The following EXTL3 variants were observed in gnomAD, a reference collection of about 807,000 sequenced individuals.
EXTL3 encodes the protein exostosin like glycosyltransferase 3, also known as exostosin-like 3.
In EXTL3, 27 loss-of-function variants were observed where a neutral mutation model predicts 69.3. The ratio of observed to expected loss-of-function variants is 0.39; its 90% CI spans 0.29 to 0.54. The LOEUF is 0.54. EXTL3 is among the 20% of genes least tolerant of loss of function. The pLI is 0.69. For synonymous variants in EXTL3, 511 were observed against 499.4 expected, an observed-to-expected ratio of 1.02 and a Z score of -0.31; for missense variants, 1,003 against 1,231.8, an observed-to-expected ratio of 0.81 and a Z score of 2.78.
chr8:28,622,357 A>T (rs1350453512), upstream of EXTL3, among the ~76,000 whole-genome samples: 1 of 152,228 alleles, frequency 6.6e-6, no homozygotes, highest in Non-Finnish European at 1.5e-5. Flanking sequence ...CGCCGTGTGC[A>T]GCCGGGTGCT....
At position 28,743,229 on chromosome 8, in the gene EXTL3, C is replaced by G. The variant is rs376962323; in HGVS notation, c.2550+15C>G. 8.2e-5 allele frequency: 133 copies of G among 1,613,784 alleles called. No homozygotes were observed. The highest frequency in any genetic ancestry group is 1.1e-4 in the Non-Finnish European group (132 of 1,179,650). On this transcript the variant is annotated intron_variant, in intron 6 of 6. Coordinates refer to ENST00000220562, the MANE Select transcript of EXTL3 (RefSeq NM_001440.4). ...CCCCCATCAAGGTGAGGTCCCACCA[C>G]TGGTGGGGCTGTGGATGCGTGCATG...
chr8:28,714,863 G>T (rs1431439194), intron 2 of EXTL3, among the ~76,000 whole-genome samples: 1 of 152,216 alleles, frequency 6.6e-6, no homozygotes, highest in Admixed American at 6.5e-5. Context: ...CATTTTAGAA[G>T]ATTAGGAAAC....
chr8:28,688,452 C>G (rs1800560998), intron 1 of EXTL3, among the ~76,000 whole-genome samples: 1 of 152,158 alleles, frequency 6.6e-6, no homozygotes, highest in Non-Finnish European at 1.5e-5. Context: ...CCTGGACTAA[C>G]AATTTACATG....
chr8:28,660,703 C>T (rs1807094626), intron 1 of EXTL3, among the ~76,000 whole-genome samples: 1 of 152,104 alleles, frequency 6.6e-6, no homozygotes, highest in Admixed American at 6.6e-5. Flanking sequence ...ACTAACTCTC[C>T]ATTCCCCATC....
chr8:28,713,374 T>A, intron 1 of EXTL3, 83 bp from the exon 2 acceptor site: 1 of 623,874 alleles, frequency 1.6e-6, no homozygotes, highest in Admixed American at 2.9e-5. Context: ...AATAGGTTCT[T>A]TAATAGCACT....
chr8:28,727,733 T>A (rs1170867538), intron 3 of EXTL3, among the ~76,000 whole-genome samples: 1 of 152,180 alleles, frequency 6.6e-6, no homozygotes, highest in Non-Finnish European at 1.5e-5. Context: ...CCCAAAGCCA[T>A]GCTTTCTCCC....
intron 1 of EXTL3, among the ~76,000 whole-genome samples, chr8:28,682,177 C>T (rs1036132574): frequency 6.6e-6 from 1 of 152,194 alleles, no homozygotes; most frequent in Non-Finnish European, 1.5e-5. Context: ...TTTTAATTTG[C>T]ATTTTCCTAA....
chr8:28,652,593 G>A (rs1228490566), intron 1 of EXTL3, among the ~76,000 whole-genome samples: 1 of 152,054 alleles, frequency 6.6e-6, no homozygotes, highest in Non-Finnish European at 1.5e-5. Flanking sequence ...GGTGGAGGCT[G>A]CAGTAAGCCA....
chr8:28,698,403 A>G (rs1054711486), upstream of EXTL3: 27 of 152,216 alleles, frequency 1.8e-4, no homozygotes, highest in Admixed American at 1.6e-3. Flanking sequence ...CCTTTGCTCC[A>G]TGCTCTGTGG....
upstream of EXTL3, chr8:28,697,268 C>T (rs1800699273): frequency 6.6e-6 from 1 of 152,196 alleles, no homozygotes; most frequent in Non-Finnish European, 1.5e-5. Flanking sequence ...GCTCTATTTA[C>T]AAGTGAGGCC....
chr8:28,733,224 G>GT (rs1412910305), intron 4 of EXTL3, among the ~76,000 whole-genome samples: 1 of 152,084 alleles, frequency 6.6e-6, no homozygotes, highest in Non-Finnish European at 1.5e-5. Flanking sequence ...CGGTCAGGCT[G>GT]TTTTTCACGG....
chr8:28,737,442 G>A, intron 4 of EXTL3, 77 bp from the exon 5 acceptor site: 1 of 1,495,088 alleles, frequency 6.7e-7, no homozygotes, highest in South Asian at 1.1e-5. Context: ...TTGTAAGGTG[G>A]AGGCAATAAC....
chr8:28,647,140 TGTC>T (rs2130595788), intron 1 of EXTL3, among the ~76,000 whole-genome samples: 1 of 152,082 alleles, frequency 6.6e-6, no homozygotes, highest in Non-Finnish European at 1.5e-5. Context: ...GTTTTGCTCT[TGTC>T]GTCCAGGCTG....
intron 2 of EXTL3, among the ~76,000 whole-genome samples, chr8:28,607,923 T>G (rs559953744): frequency 1.5e-4 from 22 of 151,316 alleles, no homozygotes; most frequent in Admixed American, 1.4e-3. Flanking sequence ...CCATCCTGGC[T>G]AACACCATGA....
At chr8:28,681,977 T>C (rs980037502) in intron 1 of EXTL3, among the ~76,000 whole-genome samples, 2 of 152,222 alleles carry the variant, frequency 1.3e-5, no homozygotes, top group African/African-American at 2.4e-5. Context: ...GAGAATCGCT[T>C]GAACCCGGGA....
chr8:28,627,289 A>G lies in EXTL3; in HGVS notation c.-53+4479A>G, dbSNP rs1806507340. On this transcript the variant is annotated intron_variant, in intron 1 of 6. Coordinates refer to the EXTL3 transcript ENST00000523149. ...TTTGGGAGGCTGAGGCAGGCGGATCACTTGAGACTGGGCAACGTGGCAAAA... is the reference window on the plus strand; with the variant it reads ...TTTGGGAGGCTGAGGCAGGCGGATCGCTTGAGACTGGGCAACGTGGCAAAA... 2.6e-5 allele frequency among the ~76,000 whole-genome samples: 4 copies of G among 152,120 alleles called. No homozygotes were observed. In the South Asian group the frequency reaches 8.3e-4, roughly 32 times the overall value.
intron 1 of EXTL3, among the ~76,000 whole-genome samples, chr8:28,664,199 C>T (rs370935512): frequency 3.3e-5 from 5 of 152,238 alleles, no homozygotes; most frequent in African/African-American, 1.2e-4. Context: ...GCTTCAACAG[C>T]CGGCATTTAT....
intron 1 of EXTL3, among the ~76,000 whole-genome samples, chr8:28,627,912 G>T (rs1455639630): frequency 2.0e-5 from 3 of 152,030 alleles, no homozygotes; most frequent in Non-Finnish European, 4.4e-5. Flanking sequence ...AAGCATGGGG[G>T]TTGCCAGAAG....
At chr8:28,709,299 G>T (rs903434967) in intron 1 of EXTL3, among the ~76,000 whole-genome samples, 1 of 152,060 alleles carries the variant, frequency 6.6e-6, no homozygotes, top group African/African-American at 2.4e-5. Context: ...GGTTTAACCC[G>T]GCATACAGTA....
Sources: allele counts gnomAD v4.1 joint callset (sites outside exome capture counted in the v4.1 genomes callset), GRCh38; gene constraint gnomAD v4.1.1; transcripts MANE v1.5; gene names NCBI Gene and HGNC (gene_info 2026-07-23, HGNC 2026-07-21).